The following NSUN6 variants were observed in gnomAD, a reference collection of about 807,000 sequenced individuals.
The protein encoded by NSUN6 is NOP2/Sun RNA methyltransferase 6.
NSUN6 carries 64 observed loss-of-function variants against 58.0 expected under a neutral mutation model. That is an observed-to-expected ratio of 1.10 (90% CI 0.90 to 1.36). The LOEUF is 1.36. Ranked by LOEUF, NSUN6 falls within the 40% of genes most tolerant of loss-of-function variation. The pLI is 0.00. For missense variants in NSUN6, 701 were observed against 550.1 expected (o/e 1.27, Z -2.74); for synonymous variants, 231 against 193.9 (o/e 1.19, Z -1.59).
Position 18,545,887 on chromosome 10 carries a change from G to T in NSUN6, c.*46C>A, listed in dbSNP as rs762253031. On this transcript the variant is annotated 3_prime_UTR_variant, in exon 11 of 11. Coordinates refer to ENST00000377304, the MANE Select transcript of NSUN6 (RefSeq NM_182543.5). ...TTTGGTTAAAAAAAAAAAAACCACAGACAGCAAATGTTTGGAATTTTCATT... is the reference window on the plus strand; with the variant it reads ...TTTGGTTAAAAAAAAAAAAACCACATACAGCAAATGTTTGGAATTTTCATT... 1.5e-4 allele frequency: 81 copies of T among 545,000 alleles called. No individual in the cohort carries two copies. Among genetic ancestry groups the T allele is most frequent in the Non-Finnish European group, 1.9e-4 (70 of 368,442 alleles). The allele number at this position is 545,000 out of a possible 1,614,324, so 33.8% of individuals were successfully genotyped here.
At chr10:18,644,840 A>G (rs907252209) in intron 2 of NSUN6, among the ~76,000 whole-genome samples, 2 of 144,828 alleles carry the variant, frequency 1.4e-5, no homozygotes, top group Non-Finnish European at 3.1e-5. Context: ...ACTCCGTCTC[A>G]AAAAAAAAAC....
At chr10:18,618,236 C>G (rs1035715328) in intron 3 of NSUN6, among the ~76,000 whole-genome samples, 1 of 152,240 alleles carries the variant, frequency 6.6e-6, no homozygotes, top group Admixed American at 6.5e-5. Flanking sequence ...CAACTTCACT[C>G]TGAAGTATGT....
intron 6 of NSUN6, among the ~76,000 whole-genome samples, chr10:18,605,726 T>C (rs2058024996): frequency 6.6e-6 from 1 of 152,222 alleles, no homozygotes; most frequent in Non-Finnish European, 1.5e-5. Context: ...CAACTTTTGT[T>C]GCACACATGG....
intron 8 of NSUN6, among the ~76,000 whole-genome samples, chr10:18,556,151 G>C (rs897087945): frequency 1.1e-4 from 16 of 150,316 alleles, no homozygotes; most frequent in African/African-American, 4.0e-4. Context: ...GAATGGAATG[G>C]AATGGAGAAT....
chr10:18,568,218 T>C (rs1229142491), intron 8 of NSUN6, among the ~76,000 whole-genome samples: 1 of 151,206 alleles, frequency 6.6e-6, no homozygotes, highest in African/African-American at 2.4e-5. Flanking sequence ...TCCATTCCCG[T>C]CCATTATCCA....
intron 3 of NSUN6, among the ~76,000 whole-genome samples, chr10:18,629,017 A>G (rs1163371946): frequency 6.6e-6 from 1 of 152,206 alleles, no homozygotes; most frequent in Non-Finnish European, 1.5e-5. Flanking sequence ...AGGTCGGGTT[A>G]CCCACAAAGG....
At chr10:18,621,859 C>G (rs1280433455) in intron 3 of NSUN6, among the ~76,000 whole-genome samples, 1 of 152,178 alleles carries the variant, frequency 6.6e-6, no homozygotes, top group African/African-American at 2.4e-5. Flanking sequence ...AACAACCCTA[C>G]ACCAAATGGA....
intron 7 of NSUN6, among the ~76,000 whole-genome samples, chr10:18,587,748 T>G (rs1225819542): frequency 1.3e-5 from 2 of 152,148 alleles, no homozygotes; most frequent in Non-Finnish European, 2.9e-5. Context: ...CTACCCAGGC[T>G]GGGTACTACG....
intron 2 of NSUN6, among the ~76,000 whole-genome samples, chr10:18,647,382 A>C (rs979385220): frequency 2.6e-5 from 4 of 152,234 alleles, no homozygotes; most frequent in African/African-American, 9.6e-5. Context: ...ACTACAGTAT[A>C]CAATTTATGT....
rs1440184919 is a variant in NSUN6 at position 18,600,961 on chromosome 10, C to CACAT, written c.658-4635_658-4634insATGT. 1.4e-3 allele frequency among the ~76,000 whole-genome samples: 67 copies of CACAT among 47,782 alleles called. 1 individual carries two copies. In the East Asian group the frequency reaches 0.024, roughly 17 times the overall value. The allele number at this position is 47,782 out of a possible 152,430, so 31.3% of individuals were successfully genotyped here. ...AAAAAAATATATATATATATATATA[C>CACAT]ATATATATATATATATGTATATATA... is the stretch of plus-strand genomic sequence containing the variant. On this transcript the variant is annotated intron_variant, in intron 6 of 10. Coordinates refer to ENST00000377304, the MANE Select transcript of NSUN6 (RefSeq NM_182543.5).
At chr10:18,636,166 C>T (rs765349786) in intron 3 of NSUN6, among the ~76,000 whole-genome samples, 6 of 151,836 alleles carry the variant, frequency 4.0e-5, no homozygotes, top group African/African-American at 9.7e-5. Context: ...AAGAAAGTAA[C>T]GCAGTACATA....
At chr10:18,618,124 G>A (rs4748498) in intron 3 of NSUN6, among the ~76,000 whole-genome samples, 29,962 of 152,048 alleles carry the variant, frequency 0.2, 3,237 homozygotes, top group South Asian at 0.31. Context: ...TAGGTTTTGT[G>A]GGCGTATCTC....
intron 3 of NSUN6, among the ~76,000 whole-genome samples, chr10:18,634,585 A>G (rs1564832834): frequency 6.9e-6 from 1 of 145,514 alleles, no homozygotes; most frequent in African/African-American, 2.6e-5. Context: ...CCACATCTCT[A>G]CTAAAAAAAA....
At position 18,650,732 on chromosome 10, in the gene NSUN6, C is replaced by T. The variant is rs949935630; in HGVS notation, c.75+397G>A. Among the ~76,000 whole-genome samples the T allele has an allele frequency of 3.9e-5, 6 of 152,302 alleles. 1 individual carries two copies. The highest frequency in any genetic ancestry group is 2.0e-4 in the Admixed American group (3 of 15,302). The stretch of plus-strand genomic sequence containing the variant: ...TTGTGAAGATTAAAGATGCAAATCT[C>T]CTAGCACAACTGCTGGCATTTAAGA... On this transcript the variant is annotated intron_variant, in intron 1 of 10. Transcript: ENST00000377304.
Position 18,648,740 on chromosome 10 carries a change from C to A in NSUN6, c.76-95G>T, listed in dbSNP as rs541669337. 8.6e-3 allele frequency: 5,875 copies of A among 687,032 alleles called. 86 individuals are homozygous for A. The highest frequency in any genetic ancestry group is 0.029 in the South Asian group (1,509 of 52,680). The allele number at this position is 687,032 out of a possible 1,614,324, so 42.6% of individuals were successfully genotyped here. A position where few individuals can be genotyped will look rare whatever the true frequency, so the allele number is the denominator to read the frequency against. ...TTCCATCTAATGAAACATCGCTTAG[C>A]AATTGTTCAGCTCCATTCTATTTTG... is the stretch of plus-strand genomic sequence containing the variant. On this transcript the variant is annotated intron_variant, in intron 1 of 10. Transcript: ENST00000377304.
chr10:18,557,552 T>C (rs539303255), intron 8 of NSUN6, among the ~76,000 whole-genome samples: 1 of 145,066 alleles, frequency 6.9e-6, no homozygotes, highest in East Asian at 2.1e-4. Flanking sequence ...GATGATGGTA[T>C]GGAGAATGGA....
chr10:18,616,152 A>G (rs1478887646), intron 4 of NSUN6, 32 bp downstream of exon 4: 1 of 1,171,332 alleles, frequency 8.5e-7, no homozygotes, highest in South Asian at 1.3e-5. Flanking sequence ...ATTTTAGAGA[A>G]CCTTAAAGAC....
chr10:18,638,384 G>GT (rs774881118), intron 3 of NSUN6, among the ~76,000 whole-genome samples: 5 of 152,298 alleles, frequency 3.3e-5, no homozygotes, highest in Non-Finnish European at 5.9e-5. Flanking sequence ...GGAGGTTGCA[G>GT]TGAGCCAAGA....
At chr10:18,599,091 G>A (rs1328864256) in intron 6 of NSUN6, among the ~76,000 whole-genome samples, 1 of 152,168 alleles carries the variant, frequency 6.6e-6, no homozygotes, top group Non-Finnish European at 1.5e-5. Context: ...AGGCTGCAGT[G>A]CAGTGGTGCA....
Sources: gnomAD v4.1 joint callset for allele counts (sites outside exome capture counted in the v4.1 genomes callset) on GRCh38, gnomAD v4.1.1 for gene constraint, MANE v1.5 for transcripts, NCBI Gene and HGNC (gene_info 2026-07-23, HGNC 2026-07-21) for gene names.